Variants in GRM7 observed in about 807,000 individuals in gnomAD.
GRM7 encodes the protein glutamate metabotropic receptor 7, also known as metabotropic glutamate receptor 7.
Under a neutral mutation model 84.5 loss-of-function variants are expected in GRM7, and 35 were observed. The observed-to-expected ratio is 0.41, with a 90% CI of 0.32 to 0.55. GRM7 has a LOEUF of 0.55. GRM7 is among the 20% of genes least tolerant of loss of function. The pLI, the probability that GRM7 is intolerant of heterozygous loss-of-function variation, is 0.19. For synonymous variants in GRM7, 487 were observed against 455.1 expected, an observed-to-expected ratio of 1.07 and a Z score of -0.89; for missense variants, 1,003 against 1,194.6, an observed-to-expected ratio of 0.84 and a Z score of 2.36.
intron 2 of GRM7, among the ~76,000 whole-genome samples, chr3:7,233,921 C>A (rs1416461373): frequency 6.6e-6 from 1 of 152,058 alleles, no homozygotes; most frequent in Non-Finnish European, 1.5e-5. Context: ...TTGAATACAT[C>A]CCATAATGAG....
intron 8 of GRM7, among the ~76,000 whole-genome samples, chr3:7,679,719 G>T (rs1351982336): frequency 6.6e-6 from 1 of 152,158 alleles, no homozygotes; most frequent in African/African-American, 2.4e-5. Flanking sequence ...CAAGATTACA[G>T]ATTTCTATGG....
intron 2 of GRM7, among the ~76,000 whole-genome samples, chr3:7,152,760 A>C (rs904423066): frequency 2.0e-5 from 3 of 152,190 alleles, no homozygotes; most frequent in Admixed American, 6.5e-5. Flanking sequence ...ATATTCTTAC[A>C]TCTATTTCCA....
chr3:7,264,638 A>G (rs1387971427), intron 2 of GRM7, among the ~76,000 whole-genome samples: 1 of 152,126 alleles, frequency 6.6e-6, no homozygotes, highest in Non-Finnish European at 1.5e-5. Flanking sequence ...AATATCTGCT[A>G]GGAGTGCACC....
At chr3:7,625,566 G>A (rs1559447657) in intron 8 of GRM7, among the ~76,000 whole-genome samples, 1 of 152,156 alleles carries the variant, frequency 6.6e-6, no homozygotes, top group African/African-American at 2.4e-5. Flanking sequence ...CTACGTGGGA[G>A]GCTGAGGCAG....
At chr3:7,654,013 C>T (rs879641501) in intron 8 of GRM7, among the ~76,000 whole-genome samples, 10 of 152,266 alleles carry the variant, frequency 6.6e-5, no homozygotes, top group African/African-American at 1.9e-4. Context: ...TGCCTTCTCT[C>T]ATTTTTTGCC....
intron 8 of GRM7, among the ~76,000 whole-genome samples, chr3:7,633,609 C>T (rs182966341): frequency 3.9e-5 from 6 of 152,176 alleles, no homozygotes; most frequent in African/African-American, 1.4e-4. Flanking sequence ...AATACTGAAG[C>T]CCTTCTATCC....
chr3:7,700,137 T>C (rs3792433), intron 9 of GRM7, among the ~76,000 whole-genome samples: 3,152 of 152,258 alleles, frequency 0.021, 96 homozygotes, highest in East Asian at 0.092. Context: ...CTTTGGAACC[T>C]CTCAGAAATT....
chr3:7,229,524 T>C (rs1005148505), intron 2 of GRM7, among the ~76,000 whole-genome samples: 2 of 151,480 alleles, frequency 1.3e-5, no homozygotes, highest in South Asian at 2.1e-4. Flanking sequence ...TATATGAAGA[T>C]ACTAGTGATT....
Position 7,275,618 on chromosome 3 carries a change from C to T in GRM7, c.737-23066C>T, listed in dbSNP as rs535944678. On this transcript the variant is annotated intron_variant, in intron 2 of 9. Coordinates refer to ENST00000357716, the MANE Select transcript of GRM7 (RefSeq NM_000844.4). ...GAGCTGGCGGTAGTTGGGGATTTTC[C>T]TTCCCCAACTAGGTGAGGTAGGTTC... Among the ~76,000 whole-genome samples the T allele has an allele frequency of 7.1e-3, 1,079 of 152,160 alleles. 12 individuals carry two copies. The highest frequency in any genetic ancestry group is 0.025 in the African/African-American group (1,021 of 41,522).
chr3:6,870,492 T>A (rs181575790), intron 1 of GRM7, among the ~76,000 whole-genome samples: 1 of 152,138 alleles, frequency 6.6e-6, no homozygotes, highest in Non-Finnish European at 1.5e-5. Flanking sequence ...CGGGGCTAGT[T>A]CATGCAAGGC....
At chr3:7,295,556 A>G (rs535420725) in intron 2 of GRM7, among the ~76,000 whole-genome samples, 2 of 152,346 alleles carry the variant, frequency 1.3e-5, no homozygotes, top group South Asian at 2.1e-4. Flanking sequence ...TTTGCTCTAG[A>G]TAGCATTGAA....
At chr3:7,674,530 A>G (rs1700053693) in intron 8 of GRM7, among the ~76,000 whole-genome samples, 1 of 152,238 alleles carries the variant, frequency 6.6e-6, no homozygotes, top group African/African-American at 2.4e-5. Flanking sequence ...AAATTGTATA[A>G]TATGTATACA....
chr3:7,330,701 TC>T (rs1156849634), intron 4 of GRM7, among the ~76,000 whole-genome samples: 1 of 152,204 alleles, frequency 6.6e-6, no homozygotes, highest in Non-Finnish European at 1.5e-5. Flanking sequence ...CCACCATGAT[TC>T]TGAGGCCTCC....
intron 1 of GRM7, among the ~76,000 whole-genome samples, chr3:6,903,736 A>C (rs937353868): frequency 6.6e-6 from 1 of 152,174 alleles, no homozygotes; most frequent in Non-Finnish European, 1.5e-5. Flanking sequence ...TTCACCATTT[A>C]TCTCTCACTA....
rs1435861850 is a variant in GRM7 at position 6,862,049 on chromosome 3, C to T, written c.519+142C>T. The T allele has an allele frequency of 1.5e-6, 1 of 672,686 alleles. No individual in the cohort carries two copies. The highest frequency in any genetic ancestry group is 2.5e-6 in the Non-Finnish European group (1 of 400,288). 41.7% of individuals were successfully genotyped at this position (672,686 alleles called of 1,614,324 possible). On this transcript the variant is annotated intron_variant, in intron 1 of 9. Transcript: ENST00000357716. This position sits in a 1 kb window ranked among gnomAD's most constrained non-coding sequence, Gnocchi z 5.2. ...TGGAGATCCTGCCGAATCCCTCCCA[C>T]CCCGCTCGAGGAGATACCTTCCCTG... is the stretch of plus-strand genomic sequence containing the variant.
chr3:7,706,868 C>G (rs142559677), intron 9 of GRM7, among the ~76,000 whole-genome samples: 1 of 152,098 alleles, frequency 6.6e-6, no homozygotes, highest in African/African-American at 2.4e-5. Context: ...CAACCACCAC[C>G]CTAAATCGCA....
intron 1 of GRM7, among the ~76,000 whole-genome samples, chr3:6,962,431 A>C (rs1693337454): frequency 6.6e-6 from 1 of 152,176 alleles, no homozygotes; most frequent in Non-Finnish European, 1.5e-5. Context: ...AGAATCAGTC[A>C]AAAGGAGAAA....
At chr3:6,964,407 TTC>T (rs1186982345) in intron 1 of GRM7, among the ~76,000 whole-genome samples, 2 of 152,156 alleles carry the variant, frequency 1.3e-5, no homozygotes, top group Non-Finnish European at 2.9e-5. Context: ...ACTAATCCCA[TTC>T]ATGAGGATTA....
chr3:7,162,053 A>G (rs555602850), intron 2 of GRM7, among the ~76,000 whole-genome samples: 1 of 152,266 alleles, frequency 6.6e-6, no homozygotes, highest in South Asian at 2.1e-4. Flanking sequence ...AACTAATTGG[A>G]TGGTGATGGT....
Sources: allele counts gnomAD v4.1 joint callset (sites outside exome capture counted in the v4.1 genomes callset), GRCh38; gene constraint gnomAD v4.1.1; non-coding constraint Gnocchi (gnomAD v3.1); transcripts MANE v1.5; gene names NCBI Gene and HGNC (gene_info 2026-07-23, HGNC 2026-07-21).